PMM1: variants seen among roughly 807,000 people sequenced by gnomAD.
PMM1 encodes the protein brain glucose-1,6-bisphosphatase.
In PMM1, 25 loss-of-function variants were observed where a neutral mutation model predicts 34.0. The ratio of observed to expected loss-of-function variants is 0.73; its 90% CI spans 0.54 to 1.03. The LOEUF is 1.03. Ranked by LOEUF, PMM1 falls within the 50% of genes least tolerant of loss-of-function variation. PMM1 has a pLI of 0.00. For synonymous variants in PMM1, 134 were observed against 143.9 expected (o/e 0.93, Z 0.49); for missense variants, 321 against 350.1 (o/e 0.92, Z 0.66).
At chr22:41,589,454 T>A in intron 1 of PMM1, 1 of 565,416 alleles carries the variant, frequency 1.8e-6, no homozygotes, top group South Asian at 2.0e-5. Flanking sequence ...GCTAGGCCCC[T>A]GCTCGCAGCC....
chr22:41,585,500 T>G (rs1355289426), intron 2 of PMM1: 1 of 151,816 alleles, frequency 6.6e-6, no homozygotes, highest in Non-Finnish European at 1.5e-5. Context: ...TATTTATTTA[T>G]TTATTTTTGG....
At chr22:41,586,993 C>A (rs1162808032) in intron 1 of PMM1, among the ~76,000 whole-genome samples, 3 of 148,280 alleles carry the variant, frequency 2.0e-5, no homozygotes, top group Non-Finnish European at 3.0e-5. Context: ...ATTGGCCATG[C>A]GCGGTGGCTC....
At chr22:41,588,762 C>T (rs568170811) in intron 1 of PMM1, 26 of 983,940 alleles carry the variant, frequency 2.6e-5, no homozygotes, top group Admixed American at 1.2e-4. Flanking sequence ...GAGGGGCATT[C>T]GGGACCTAAG....
At chr22:41,584,438 C>T in intron 3 of PMM1, 66 bp from the exon 4 acceptor site, 1 of 1,576,656 alleles carries the variant, frequency 6.3e-7, no homozygotes, top group Non-Finnish European at 8.7e-7. Context: ...GGCACAGTGT[C>T]TCTCCCCCAG....
Position 41,576,975 on chromosome 22 carries a change from G to C in PMM1, c.*343C>G, listed in dbSNP as rs76917679. The C allele has an allele frequency of 8.4e-5, 32 of 382,962 alleles. No homozygotes were observed. Among genetic ancestry groups the C allele is most frequent in the African/African-American group, 5.6e-4 (27 of 48,344 alleles). The allele number at this position is 382,962 out of a possible 1,614,324, so 23.7% of individuals were successfully genotyped here. A position where few individuals can be genotyped will look rare whatever the true frequency, so the allele number is the denominator to read the frequency against. ...TTCCCCACCGTACCTCATCGCCCAGGGCAGGCAGGCAGGGCAGGCTAGATC... is the reference window on the plus strand; with the variant it reads ...TTCCCCACCGTACCTCATCGCCCAGCGCAGGCAGGCAGGGCAGGCTAGATC... On this transcript the variant is annotated 3_prime_UTR_variant, in exon 8 of 8. Transcript: ENST00000216259.
rs552812934 is a variant in PMM1 at position 41,578,496 on chromosome 22, G to T, written c.550+310C>A. Among the ~76,000 whole-genome samples, 12 of 152,144 alleles carry T rather than the reference G, an allele frequency of 7.9e-5. No homozygotes were observed. The East Asian group carries it at 2.3e-3, about 30-fold the overall frequency. ...AGCACCGGTGGGATTCCAGACAGGG[G>T]GCCCTGTGACTTCTAGGAGTTTGGA... On this transcript the variant is annotated intron_variant, in intron 6 of 7. Coordinates refer to ENST00000216259, the MANE Select transcript of PMM1 (RefSeq NM_002676.3).
chr22:41,577,674 G>T lies in PMM1; in HGVS notation c.666+134C>A, dbSNP rs935164609. ...CTGGTGAGCAATGGTTGTTCTCCAG[G>T]AGCCCCCTAAGAGGTCTGTTGTGTT... On this transcript the variant is annotated intron_variant, in intron 7 of 7. Transcript: ENST00000216259. 13 of 774,660 alleles carry T rather than the reference G, an allele frequency of 1.7e-5. No individual in the cohort carries two copies. The Admixed American group carries it at 2.9e-4, about 17-fold the overall frequency. 48.0% of individuals were successfully genotyped at this position (774,660 alleles called of 1,614,324 possible).
chr22:41,578,665 G>C, intron 6 of PMM1, 141 bp downstream of exon 6: 1 of 652,760 alleles, frequency 1.5e-6, no homozygotes, highest in South Asian at 1.8e-5. Flanking sequence ...TTTCTGCATC[G>C]GGCTCAGCCA....
Position 41,586,088 on chromosome 22 carries a change from C to T in PMM1, c.193G>A (p.Asp65Asn). 6.2e-7 allele frequency: 1 copy of T among 1,608,474 alleles called. No homozygotes were observed. Among genetic ancestry groups the T allele is most frequent in the Non-Finnish European group, 8.5e-7 (1 of 1,177,690 alleles). Residue 65 changes from aspartate (D) to asparagine (N), a missense_variant, in exon 2 of 8, where the codon GAC (aspartate) becomes AAC (asparagine). Physicochemically the swap from Asp to Asn is conservative, Grantham distance 23. Transcript: ENST00000216259. Reference protein sequence around the residue: ...DYCKIAEQLGDGDEVIEKFDY... With the variant: ...DYCKIAEQLGNGDEVIEKFDY... Reference sequence around the variant, plus strand: ...GCCTCACTCCTACCTTCATCCCCGTCACCCAGCTGCTCAGCGATCTTACAG... The same window carrying T: ...GCCTCACTCCTACCTTCATCCCCGTTACCCAGCTGCTCAGCGATCTTACAG...
chr22:41,585,744 C>T (rs1222629003), intron 2 of PMM1, among the ~76,000 whole-genome samples: 5 of 152,136 alleles, frequency 3.3e-5, no homozygotes, highest in African/African-American at 4.8e-5. Flanking sequence ...CCATCCGCCT[C>T]GGCCTCCCAA....
At position 41,585,695 on chromosome 22, in the gene PMM1, G is replaced by A. The variant is rs879269075; in HGVS notation, c.205+381C>T. Among the ~76,000 whole-genome samples, 3 of 152,068 alleles carry A rather than the reference G, an allele frequency of 2.0e-5. No individual in the cohort carries two copies. The East Asian group carries it at 5.8e-4, about 29-fold the overall frequency. On this transcript the variant is annotated intron_variant, in intron 2 of 7. Coordinates refer to ENST00000216259, the MANE Select transcript of PMM1 (RefSeq NM_002676.3). ...TTTAGTAGAGACGGGGTTTCACCAT[G>A]TTGGCCAGGCTGGTCTTGAACTCCT...
intron 1 of PMM1, chr22:41,589,265 C>G (rs1016197734): frequency 2.0e-6 from 1 of 502,414 alleles, no homozygotes; most frequent in Non-Finnish European, 3.8e-6. Flanking sequence ...CCCTGTCTCC[C>G]ACCAGATGAT....
chr22:41,582,856 G>A (rs1287151843), intron 5 of PMM1, among the ~76,000 whole-genome samples: 2 of 152,168 alleles, frequency 1.3e-5, no homozygotes, highest in Admixed American at 6.5e-5. Flanking sequence ...ACAGAATGAC[G>A]TGGACGGGCC....
At chr22:41,589,640 C>T in intron 1 of PMM1, 79 bp downstream of exon 1, 1 of 1,259,232 alleles carries the variant, frequency 7.9e-7, no homozygotes, top group African/African-American at 1.5e-5. Context: ...CACGGTCACG[C>T]TGCTGCAGAC....
intron 4 of PMM1, 32 bp from the exon 5 acceptor site, chr22:41,584,090 G>A: frequency 3.3e-6 from 5 of 1,520,718 alleles, no homozygotes; most frequent in Non-Finnish European, 4.6e-6. Flanking sequence ...GAGCCAGAGA[G>A]AACCAGAACG....
At chr22:41,585,898 A>T (rs976034489) in intron 2 of PMM1, among the ~76,000 whole-genome samples, 178 bp downstream of exon 2, 2 of 152,200 alleles carry the variant, frequency 1.3e-5, no homozygotes, top group Non-Finnish European at 2.9e-5. Context: ...CCATTTCTCA[A>T]GGGCCTGGCA....
Position 41,577,805 on chromosome 22 carries a change from C to T in PMM1, c.666+3G>A, listed in dbSNP as rs1017035768. The T allele has an allele frequency of 6.2e-7, 1 of 1,610,032 alleles. No individual in the cohort carries two copies. Reference sequence around the variant, plus strand: ...GGGGAAACCTGGGGTGGGCCACACTCACAGGGCTAGTCTCGTTCCCAAAGA... The same window carrying T: ...GGGGAAACCTGGGGTGGGCCACACTTACAGGGCTAGTCTCGTTCCCAAAGA... On this transcript the variant is annotated splice_donor_region_variant and intron_variant, in intron 7 of 7. Coordinates refer to ENST00000216259, the MANE Select transcript of PMM1 (RefSeq NM_002676.3).
intron 1 of PMM1, chr22:41,588,937 G>C: frequency 2.6e-6 from 3 of 1,144,576 alleles, no homozygotes; most frequent in South Asian, 2.7e-5. Flanking sequence ...GATGCATCCA[G>C]CTGGTGAGGG....
intron 6 of PMM1, among the ~76,000 whole-genome samples, 171 bp downstream of exon 6, chr22:41,578,635 G>T (rs1175822367): frequency 6.6e-6 from 1 of 152,020 alleles, no homozygotes; most frequent in African/African-American, 2.4e-5. Flanking sequence ...AAAACTGGGG[G>T]CCAGTAAACA....
Sources: gnomAD v4.1 joint callset for allele counts (sites outside exome capture counted in the v4.1 genomes callset) on GRCh38, gnomAD v4.1.1 for gene constraint, MANE v1.5 for transcripts, NCBI Gene and HGNC (gene_info 2026-07-23, HGNC 2026-07-21) for gene names.